Variants in PTPRN2 observed in about 807,000 individuals in gnomAD.
The protein encoded by PTPRN2 is receptor-type tyrosine-protein phosphatase N2.
A neutral mutation model predicts 118.8 loss-of-function variants in PTPRN2; 74 were observed. That is an observed-to-expected ratio of 0.62 (90% confidence interval 0.52 to 0.76). PTPRN2 has a LOEUF of 0.76. Ranked by LOEUF, PTPRN2 falls within the 30% of genes least tolerant of loss-of-function variation. PTPRN2 has a pLI of 0.00. For synonymous variants in PTPRN2, 641 were observed against 608.0 expected (o/e 1.05, Z -0.80); for missense variants, 1,481 against 1,394.4 (o/e 1.06, Z -0.99).
intron 5 of PTPRN2, among the ~76,000 whole-genome samples, chr7:158,182,018 C>A (rs1824751396): frequency 6.6e-6 from 1 of 152,136 alleles, no homozygotes; most frequent in Admixed American, 6.5e-5. Flanking sequence ...TCACTTTGGG[C>A]TCTTTCAGAC....
intron 5 of PTPRN2, 69 bp from the exon 6 acceptor site, chr7:158,167,360 C>A: frequency 6.6e-7 from 1 of 1,515,460 alleles, no homozygotes. Context: ...ACCAAGATGC[C>A]CTTCAGTCTC....
At position 158,445,632 on chromosome 7, in the gene PTPRN2, A is replaced by G. The variant is rs575558571; in HGVS notation, c.163+44103T>C. On this transcript the variant is annotated intron_variant, in intron 2 of 22. Transcript: ENST00000389418. ...CCGTCCTCCAACAATGAGTGGGCAA[A>G]GGTGCAGGGCTGAACGCAGACAGCC... 4.6e-5 allele frequency among the ~76,000 whole-genome samples: 7 copies of G among 152,320 alleles called. No homozygotes were observed. In the South Asian group the frequency reaches 1.4e-3, roughly 32 times the overall value.
At chr7:157,781,443 C>T (rs895619457) in intron 12 of PTPRN2, among the ~76,000 whole-genome samples, 2 of 152,204 alleles carry the variant, frequency 1.3e-5, no homozygotes, top group South Asian at 2.1e-4. Flanking sequence ...CAAACACCAT[C>T]GAATCAGGCC....
chr7:158,502,905 C>A (rs957259568), intron 1 of PTPRN2, among the ~76,000 whole-genome samples: 4 of 147,124 alleles, frequency 2.7e-5, no homozygotes, highest in South Asian at 4.6e-4. Context: ...CTGTGTCCAT[C>A]AGCCACTGTG....
chr7:157,714,875 T>TC (rs958165516), intron 12 of PTPRN2, among the ~76,000 whole-genome samples: 2 of 151,964 alleles, frequency 1.3e-5, no homozygotes, highest in Middle Eastern at 3.4e-3. Flanking sequence ...ATTCTAGGTC[T>TC]CCCGCTTTCT....
chr7:158,499,189 A>T (rs906475975), intron 1 of PTPRN2, among the ~76,000 whole-genome samples: 41 of 152,178 alleles, frequency 2.7e-4, no homozygotes, highest in African/African-American at 9.9e-4. Flanking sequence ...ATCATCATGG[A>T]AACAGCCTCT....
chr7:157,906,062 C>G (rs1043828016), intron 11 of PTPRN2, among the ~76,000 whole-genome samples: 1 of 152,244 alleles, frequency 6.6e-6, no homozygotes, highest in Admixed American at 6.5e-5. Flanking sequence ...TCTGTGGACT[C>G]TGCCCCTGCC....
chr7:158,154,731 A>G (rs1821543043), intron 6 of PTPRN2, among the ~76,000 whole-genome samples: 1 of 143,948 alleles, frequency 6.9e-6, no homozygotes, highest in Non-Finnish European at 1.5e-5. Context: ...TTAGGTTATC[A>G]TTAATGAAAA....
At chr7:157,949,204 A>C (rs4716825) in intron 11 of PTPRN2, among the ~76,000 whole-genome samples, 79,557 of 152,118 alleles carry the variant, frequency 0.52, 21,693 homozygotes, top group East Asian at 0.66. Flanking sequence ...GGACTCACGT[A>C]GGATCCAAAG....
chr7:158,239,985 C>T (rs1795818098), intron 3 of PTPRN2, among the ~76,000 whole-genome samples: 1 of 152,144 alleles, frequency 6.6e-6, no homozygotes, highest in Non-Finnish European at 1.5e-5. Flanking sequence ...GCTATAATCC[C>T]AAGCATAAAG....
chr7:157,880,896 A>G (rs922964295), intron 12 of PTPRN2, among the ~76,000 whole-genome samples: 2 of 152,224 alleles, frequency 1.3e-5, no homozygotes, highest in South Asian at 2.1e-4. Context: ...ACCCAATGCT[A>G]TCTTTTGGAA....
Position 158,167,194 on chromosome 7 carries a change from A to G in PTPRN2, c.647T>C (p.Leu216Pro). The G allele has an allele frequency of 6.2e-7, 1 of 1,613,660 alleles. No homozygotes were observed. Among genetic ancestry groups the G allele is most frequent in the Non-Finnish European group, 8.5e-7 (1 of 1,179,922 alleles). Reference sequence around the variant, plus strand: ...GAGCTGGCCGAGGGTCCGCGGCAGGAGGTCCTCGCGGAGCTGGGTCCGGGA... The same window carrying G: ...GAGCTGGCCGAGGGTCCGCGGCAGGGGGTCCTCGCGGAGCTGGGTCCGGGA... ...PGSRTQLRED[L>P]LPRTLGQLQP... Residue 216 changes from leucine (L) to proline (P), a missense_variant, in exon 6 of 23, where the codon CTC becomes CCC. Transcript: ENST00000389418.
intron 12 of PTPRN2, among the ~76,000 whole-genome samples, chr7:157,872,005 T>TACCCAGTGTCCTCCCCACACAC (rs1811083136): frequency 1.3e-4 from 1 of 7,906 alleles, no homozygotes; most frequent in East Asian, 3.3e-3. Flanking sequence ...CACACACACA[T>TACCCAGTGTCCTCCCCACACAC]ACCCAGTGTC....
chr7:157,630,206 A>G (rs553195189), intron 14 of PTPRN2, among the ~76,000 whole-genome samples: 2 of 152,354 alleles, frequency 1.3e-5, no homozygotes, highest in African/African-American at 4.8e-5. Flanking sequence ...TATTGTCTGT[A>G]GATTGCTGCA....
Position 157,596,702 on chromosome 7 carries a change from G to A in PTPRN2, c.2419-1387C>T, listed in dbSNP as rs1563246752. The stretch of plus-strand genomic sequence containing the variant: ...GCATCTGCAGAGACCGACCCCCGGA[G>A]AGCCGGATGCTGCGCTGGGGGAACC... On this transcript the variant is annotated intron_variant, in intron 16 of 22. Transcript: ENST00000389418. The surrounding 1 kb of genome is among the most constrained non-coding windows in gnomAD (Gnocchi z 4.2). 6.6e-6 allele frequency among the ~76,000 whole-genome samples: 1 copy of A among 152,210 alleles called. No homozygotes were observed. The highest frequency in any genetic ancestry group is 2.1e-4 in the South Asian group (1 of 4,836).
chr7:157,648,898 G>A (rs1191675667), intron 14 of PTPRN2, among the ~76,000 whole-genome samples: 2 of 146,718 alleles, frequency 1.4e-5, no homozygotes, highest in Admixed American at 6.9e-5. Flanking sequence ...CACTGAACTC[G>A]GTGGGTTGGA....
At chr7:157,551,149 C>T (rs939770565) in intron 21 of PTPRN2, among the ~76,000 whole-genome samples, 1 of 152,096 alleles carries the variant, frequency 6.6e-6, no homozygotes, top group African/African-American at 2.4e-5. Context: ...TTATGAAAGT[C>T]AAGTCCCTGC....
chr7:158,383,309 G>A (rs1480384078), intron 2 of PTPRN2, among the ~76,000 whole-genome samples: 3 of 152,224 alleles, frequency 2.0e-5, no homozygotes, highest in Non-Finnish European at 4.4e-5. Flanking sequence ...ATTAGTGAAT[G>A]TATCTATTTG....
chr7:158,197,637 C>T lies in PTPRN2; in HGVS notation c.381-5142G>A, dbSNP rs145347048. ...ATTTATAAAGGAGAGGTTTAATTGA[C>T]TCAGTTCAGCATGGCTGGGGAGGTC... On this transcript the variant is annotated intron_variant, in intron 4 of 22. Coordinates refer to ENST00000389418, the MANE Select transcript of PTPRN2 (RefSeq NM_002847.5). Among the ~76,000 whole-genome samples the T allele has an allele frequency of 5.9e-5, 9 of 152,274 alleles. No individual in the cohort carries two copies. The East Asian group carries it at 1.7e-3, about 29-fold the overall frequency.
Sources: gnomAD v4.1 joint callset for allele counts (sites outside exome capture counted in the v4.1 genomes callset) on GRCh38, gnomAD v4.1.1 for gene constraint, Gnocchi (gnomAD v3.1) non-coding constraint, MANE v1.5 for transcripts, NCBI Gene and HGNC (gene_info 2026-07-23, HGNC 2026-07-21) for gene names.